AKAP13: variants seen among roughly 807,000 people sequenced by gnomAD.
The protein encoded by AKAP13 is A-kinase anchoring protein 13, also known as A-kinase anchor protein 13.
Under a neutral mutation model 264.5 loss-of-function variants are expected in AKAP13, and 80 were observed. The ratio of observed to expected loss-of-function variants is 0.30; its 90% CI spans 0.25 to 0.36. The LOEUF is 0.36. Ranked by LOEUF, AKAP13 falls within the 10% of genes least tolerant of loss-of-function variation. The probability of loss-of-function intolerance (pLI) is 1.00; values close to 1 mark genes in which losing one functional copy is unlikely to be tolerated. For missense variants in AKAP13, 3,712 were observed against 3,435.2 expected (o/e 1.08, Z -2.01); for synonymous variants, 1,380 against 1,250.2 (o/e 1.10, Z -2.19).
At chr15:85,726,948 T>A (rs1385955208) in intron 27 of AKAP13, 118 bp from the exon 28 acceptor site, 3 of 1,110,964 alleles carry the variant, frequency 2.7e-6, no homozygotes, top group Non-Finnish European at 3.9e-6. Flanking sequence ...AAAGTAGCCC[T>A]TGTTTTTCAA....
chr15:85,402,100 C>A (rs959513280), intron 1 of AKAP13, among the ~76,000 whole-genome samples: 2 of 152,146 alleles, frequency 1.3e-5, no homozygotes, highest in Non-Finnish European at 2.9e-5. Context: ...AACGGTTAAA[C>A]TGTATCAGGT....
At chr15:85,594,424 T>A (rs1211497316) in intron 8 of AKAP13, among the ~76,000 whole-genome samples, 1 of 152,214 alleles carries the variant, frequency 6.6e-6, no homozygotes, top group Non-Finnish European at 1.5e-5. Context: ...AAAGATAACT[T>A]TCAGTGAAAT....
intron 1 of AKAP13, among the ~76,000 whole-genome samples, chr15:85,433,117 G>GGT (rs2073100072): frequency 3.8e-5 from 2 of 53,246 alleles, no homozygotes; most frequent in African/African-American, 1.6e-4. Flanking sequence ...CTTCTGTACA[G>GGT]TTTTTTTTTT....
At chr15:85,442,490 A>ATTATT in intron 1 of AKAP13, among the ~76,000 whole-genome samples, 1 of 110,456 alleles carries the variant, frequency 9.1e-6, no homozygotes, top group Non-Finnish European at 1.8e-5. Flanking sequence ...TAATATATAT[A>ATTATT]ATATATATTA....
Position 85,461,616 on chromosome 15 carries a change from G to T in AKAP13, c.-11-24094G>T, listed in dbSNP as rs74024876. The stretch of plus-strand genomic sequence containing the variant: ...CTTTTTAAATGGTGTGTTTTTTTTT[G>T]TTGTTGTTGTTGGGGGAGGGGTGCA... On this transcript the variant is annotated intron_variant, in intron 1 of 36. Coordinates refer to ENST00000394518, the MANE Select transcript of AKAP13 (RefSeq NM_007200.5). Among the ~76,000 whole-genome samples the T allele has an allele frequency of 6.4e-3, 817 of 127,776 alleles. 10 individuals carry two copies. The highest frequency in any genetic ancestry group is 0.016 in the African/African-American group (629 of 39,644). The allele number at this position is 127,776 out of a possible 152,430, so 83.8% of individuals were successfully genotyped here. A position where few individuals can be genotyped will look rare whatever the true frequency, so the allele number is the denominator to read the frequency against.
intron 8 of AKAP13, among the ~76,000 whole-genome samples, chr15:85,613,691 A>AAAATATATATATAT (rs1313187436): frequency 1.1e-5 from 1 of 91,966 alleles, no homozygotes; most frequent in Non-Finnish European, 2.2e-5. Context: ...AAAAAAAAAA[A>AAAATATATATATAT]ATATATATAT....
chr15:85,520,894 AG>A (rs1159664852), intron 2 of AKAP13, among the ~76,000 whole-genome samples: 5 of 152,376 alleles, frequency 3.3e-5, no homozygotes, highest in African/African-American at 1.2e-4. Flanking sequence ...CTGGAGCCCA[AG>A]CTCGTCTTCT....
chr15:85,447,034 C>T (rs1389602028), intron 1 of AKAP13, among the ~76,000 whole-genome samples: 7 of 152,160 alleles, frequency 4.6e-5, no homozygotes, highest in South Asian at 2.1e-4. Context: ...TTTGGGAGGC[C>T]GAGGCCAGGA....
chr15:85,530,959 C>G (rs2077223874), intron 3 of AKAP13, among the ~76,000 whole-genome samples: 1 of 152,186 alleles, frequency 6.6e-6, no homozygotes, highest in Non-Finnish European at 1.5e-5. Flanking sequence ...ATGGCAACCT[C>G]TGCCTCCCAG....
At chr15:85,740,738 AACCCACC>A (rs2088895246) in intron 34 of AKAP13, among the ~76,000 whole-genome samples, 1 of 127,582 alleles carries the variant, frequency 7.8e-6, no homozygotes, top group African/African-American at 3.1e-5. Flanking sequence ...ACACACACAC[AACCCACC>A]CACCCACACA....
At chr15:85,458,579 C>T (rs915302070) in intron 1 of AKAP13, among the ~76,000 whole-genome samples, 1 of 151,638 alleles carries the variant, frequency 6.6e-6, no homozygotes, top group Admixed American at 6.6e-5. Context: ...TAAATAAAAT[C>T]CTTGTAGACA....
chr15:85,417,909 A>G (rs1045852966), intron 1 of AKAP13, among the ~76,000 whole-genome samples: 1 of 152,164 alleles, frequency 6.6e-6, no homozygotes, highest in Non-Finnish European at 1.5e-5. Flanking sequence ...CCACTAGGTA[A>G]TTTAAAATTT....
At chr15:85,627,709 A>G (rs936056005) in intron 8 of AKAP13, 1 of 152,336 alleles carries the variant, frequency 6.6e-6, no homozygotes, top group Non-Finnish European at 1.5e-5. Context: ...CATCAAAAGC[A>G]AAGGTCTTTA....
intron 2 of AKAP13, among the ~76,000 whole-genome samples, chr15:85,510,219 CAG>C (rs1038595083): frequency 6.6e-6 from 1 of 152,222 alleles, no homozygotes; most frequent in African/African-American, 2.4e-5. Flanking sequence ...CATAAGCTTT[CAG>C]AGAGTATGCG....
chr15:85,405,554 G>A (rs138935311), intron 1 of AKAP13, among the ~76,000 whole-genome samples: 109 of 152,242 alleles, frequency 7.2e-4, no homozygotes, highest in African/African-American at 2.4e-3. Flanking sequence ...GCTAGATGCT[G>A]TTTATTTGCC....
intron 5 of AKAP13, among the ~76,000 whole-genome samples, chr15:85,552,259 A>G (rs2151235835): frequency 6.6e-6 from 1 of 152,302 alleles, no homozygotes; most frequent in East Asian, 1.9e-4. Flanking sequence ...CAGCATATAC[A>G]ACTTGTCCTG....
rs1023675898 is a variant in AKAP13, at chr15:85,454,092, T to C, written c.-11-31618T>C. Among the ~76,000 whole-genome samples, 4 of 152,318 alleles carry C rather than the reference T, an allele frequency of 2.6e-5. No individual in the cohort carries two copies. In the East Asian group the frequency reaches 5.8e-4, roughly 22 times the overall value. The stretch of plus-strand genomic sequence containing the variant: ...TAGAATTCCAAGCCAGTGGGTCTTA[T>C]CTTGTGGGCTGCCATGGAAGTGGGT... On this transcript the variant is annotated intron_variant, in intron 1 of 36. Coordinates refer to ENST00000394518, the MANE Select transcript of AKAP13 (RefSeq NM_007200.5).
chr15:85,418,102 G>A lies in AKAP13; in HGVS notation c.-12+37304G>A, dbSNP rs2072328700. 3.4e-5 allele frequency among the ~76,000 whole-genome samples: 5 copies of A among 146,158 alleles called. No homozygotes were observed. In the South Asian group the frequency reaches 1.1e-3, roughly 31 times the overall value. Reference sequence around the variant, plus strand: ...ATTATTATTATTATTCTGAGATAGGGTCTGTCCCTGTTGCCCAGGCTGGAG... The same window carrying A: ...ATTATTATTATTATTCTGAGATAGGATCTGTCCCTGTTGCCCAGGCTGGAG... On this transcript the variant is annotated intron_variant, in intron 1 of 36. Transcript: ENST00000394518.
At chr15:85,463,240 A>G (rs1328300032) in intron 1 of AKAP13, among the ~76,000 whole-genome samples, 1 of 152,186 alleles carries the variant, frequency 6.6e-6, no homozygotes, top group Non-Finnish European at 1.5e-5. Context: ...AGTTCTAAAA[A>G]GAAGGGAGCA....
Sources: allele counts gnomAD v4.1 joint callset (sites outside exome capture counted in the v4.1 genomes callset), GRCh38; gene constraint gnomAD v4.1.1; transcripts MANE v1.5; gene names NCBI Gene and HGNC (gene_info 2026-07-23, HGNC 2026-07-21).